The following GPR180 variants were observed in gnomAD, a reference collection of about 807,000 sequenced individuals.
GPR180 encodes G protein-coupled receptor 180, also known as integral membrane protein GPR180.
GPR180 carries 53 observed loss-of-function variants against 52.6 expected under a neutral mutation model. The ratio of observed to expected loss-of-function variants is 1.01; its 90% CI spans 0.81 to 1.27. GPR180 has a LOEUF of 1.27. Ranked by LOEUF, GPR180 falls within the 50% of genes most tolerant of loss-of-function variation. GPR180 has a pLI of 0.00. For missense variants in GPR180, 533 were observed against 527.0 expected (o/e 1.01, Z -0.11); for synonymous variants, 200 against 193.1 (o/e 1.04, Z -0.30).
At chr13:94,625,919 A>G (rs1594480338) in intron 7 of GPR180, 47 bp from the exon 8 acceptor site, 1 of 1,477,584 alleles carries the variant, frequency 6.8e-7, no homozygotes, top group Non-Finnish European at 9.4e-7. Context: ...TACATGCTGA[A>G]AAAAAGCTAC....
chr13:94,601,943 C>A lies in GPR180; in HGVS notation c.16C>A (p.Leu6Met). ...GGAGACGGGCATGGGGGGGCTGCGGCTGCTGGCTGTGGCCCTCACGTGCTG... is the reference window on the plus strand; with the variant it reads ...GGAGACGGGCATGGGGGGGCTGCGGATGCTGGCTGTGGCCCTCACGTGCTG... MGGLR[L>M]LAVALTCCWW... Residue 6 changes from leucine (L) to methionine (M), a missense_variant, in exon 1 of 9, where the codon CTG becomes ATG. Leu to Met is a conservative substitution (Grantham distance 15, BLOSUM62 2). Coordinates refer to ENST00000376958, the MANE Select transcript of GPR180 (RefSeq NM_180989.6). The A allele has an allele frequency of 1.3e-6, 2 of 1,496,718 alleles. No homozygotes were observed. The highest frequency in any genetic ancestry group is 1.8e-6 in the Non-Finnish European group (2 of 1,128,860). The allele number at this position is 1,496,718 out of a possible 1,614,324, so 92.7% of individuals were successfully genotyped here.
intron 7 of GPR180, among the ~76,000 whole-genome samples, chr13:94,625,519 C>T (rs1246413600): frequency 6.6e-6 from 1 of 152,100 alleles, no homozygotes; most frequent in African/African-American, 2.4e-5. Context: ...TTCTTACCTG[C>T]CCAGCTCCCC....
chr13:94,606,404 A>G (rs1192388298), intron 2 of GPR180, among the ~76,000 whole-genome samples: 1 of 152,212 alleles, frequency 6.6e-6, no homozygotes, highest in African/African-American at 2.4e-5. Context: ...TAAATCCGTG[A>G]TCCCATTCAT....
chr13:94,624,180 A>G (rs1363674882), intron 7 of GPR180, among the ~76,000 whole-genome samples: 1 of 152,188 alleles, frequency 6.6e-6, no homozygotes, highest in African/African-American at 2.4e-5. Context: ...GGGTTAGAGC[A>G]GTAACATTAT....
chr13:94,603,861 G>A (rs1295756648), intron 1 of GPR180, among the ~76,000 whole-genome samples: 1 of 152,096 alleles, frequency 6.6e-6, no homozygotes, highest in Non-Finnish European at 1.5e-5. Context: ...TTCTGTTCTG[G>A]GCCTTAAATG....
Position 94,623,183 on chromosome 13 carries a change from G to A in GPR180, c.969G>A (p.Gly323=). 6.2e-7 allele frequency: 1 copy of A among 1,613,338 alleles called. No homozygotes were observed. The highest frequency in any genetic ancestry group is 8.5e-7 in the Non-Finnish European group (1 of 1,179,360). ...HSYHSHHNLA[G]ILLIVLRICL... is the part of the protein sequence containing the mutation. ...ACCATTCACACCACAACTTAGCAGG[G>A]ATCCTCCTAATTGTTCTAAGAATTT... Residue 323 remains glycine (G), a synonymous_variant, in exon 7 of 9, where the codon GGG becomes GGA. Coordinates refer to ENST00000376958, the MANE Select transcript of GPR180 (RefSeq NM_180989.6).
At position 94,631,222 on chromosome 13, in the gene GPR180, C is replaced by T. The variant is rs900291290; in HGVS notation, c.*4051C>T. The T allele has an allele frequency of 7.9e-5, 12 of 152,146 alleles. No individual in the cohort carries two copies. The highest frequency in any genetic ancestry group is 1.8e-4 in the Non-Finnish European group (12 of 68,056). The allele number at this position is 152,146 out of a possible 1,614,324, so 9.4% of individuals were successfully genotyped here. ...TAGAGGCAGGGAGAGACCTGTATGG[C>T]TTCCAGTCCATCCTCACAAGTTCCA... is the stretch of plus-strand genomic sequence containing the variant. On this transcript the variant is annotated 3_prime_UTR_variant, in exon 9 of 9. Transcript: ENST00000376958.
At chr13:94,625,588 C>T (rs151167829) in intron 7 of GPR180, among the ~76,000 whole-genome samples, 4 of 152,246 alleles carry the variant, frequency 2.6e-5, no homozygotes, top group African/African-American at 9.6e-5. Flanking sequence ...TGTATTTTTA[C>T]AGGATTTCTT....
chr13:94,609,337 T>G (rs1889673122), intron 2 of GPR180, among the ~76,000 whole-genome samples: 1 of 152,206 alleles, frequency 6.6e-6, no homozygotes. Flanking sequence ...GCATGCTGTG[T>G]TGTAGTCTTT....
rs770306841 is a variant in GPR180, at chr13:94,621,074, T to C, written c.737-4T>C. The C allele has an allele frequency of 3.9e-5, 62 of 1,601,984 alleles. No homozygotes were observed. The highest frequency in any genetic ancestry group is 1.7e-4 in the Middle Eastern group (1 of 5,870). On this transcript the variant is annotated splice_region_variant and splice_polypyrimidine_tract_variant and intron_variant, in intron 5 of 8. Coordinates refer to ENST00000376958, the MANE Select transcript of GPR180 (RefSeq NM_180989.6). ...GGTTGACGTTGGTTTTCATGTCCCA[T>C]TAGTTTTTGACATCGCTTCCCAAAT...
rs909521549 is a variant in GPR180 at position 94,634,603 on chromosome 13, T to C, written c.*7432T>C. 6.6e-6 allele frequency: 1 copy of C among 152,176 alleles called. No homozygotes were observed. The highest frequency in any genetic ancestry group is 2.4e-5 in the African/African-American group (1 of 41,454). The allele number at this position is 152,176 out of a possible 1,614,324, so 9.4% of individuals were successfully genotyped here. On this transcript the variant is annotated 3_prime_UTR_variant, in exon 9 of 9. Coordinates refer to ENST00000376958, the MANE Select transcript of GPR180 (RefSeq NM_180989.6). ...TTTTGTTCCCAGTCACCTAACTGAA[T>C]TCTTCTAACAGTTGTAATAAATTTC...
chr13:94,632,914 C>G lies in GPR180; in HGVS notation c.*5743C>G, dbSNP rs1890017748. 6.6e-6 allele frequency: 1 copy of G among 152,106 alleles called. No homozygotes were observed. The highest frequency in any genetic ancestry group is 2.1e-4 in the South Asian group (1 of 4,806). 9.4% of individuals were successfully genotyped at this position (152,106 alleles called of 1,614,324 possible). On this transcript the variant is annotated 3_prime_UTR_variant, in exon 9 of 9. Transcript: ENST00000376958. ...ATGAAACCCCGAGAGAAACTCTGGT[C>G]AGTGATGCTCAAGTGAACTTCCCTG... is the stretch of plus-strand genomic sequence containing the variant.
In GPR180 at chr13:94,629,944, A is replaced by G. The variant is rs1889973242; in HGVS notation, c.*2773A>G. On this transcript the variant is annotated 3_prime_UTR_variant, in exon 9 of 9. Transcript: ENST00000376958. ...GCTCCTTCAGCATGTTTCTTCTAGG[A>G]GACTGCACGTTCTTTGGAATTTGGA... 6.6e-6 allele frequency: 1 copy of G among 152,198 alleles called. No individual in the cohort carries two copies. The highest frequency in any genetic ancestry group is 2.4e-5 in the African/African-American group (1 of 41,444). The allele number at this position is 152,198 out of a possible 1,614,324, so 9.4% of individuals were successfully genotyped here. A position where few individuals can be genotyped will look rare whatever the true frequency, so the allele number is the denominator to read the frequency against.
chr13:94,605,206 C>G (rs892962906), intron 1 of GPR180, among the ~76,000 whole-genome samples, 185 bp from the exon 2 acceptor site: 3 of 152,194 alleles, frequency 2.0e-5, no homozygotes, highest in African/African-American at 7.2e-5. Context: ...ACCACACGTT[C>G]ATTTGAATAA....
chr13:94,626,855 C>G (rs568434139), intron 8 of GPR180, among the ~76,000 whole-genome samples, 158 bp from the exon 9 acceptor site: 5 of 152,018 alleles, frequency 3.3e-5, no homozygotes, highest in African/African-American at 1.2e-4. Flanking sequence ...GAGTTCTGAG[C>G]ATTAGTCAGA....
rs578191051 is a variant in GPR180, at chr13:94,602,044, C to T, written c.117C>T (p.Gly39=). 18 of 1,441,994 alleles carry T rather than the reference C, an allele frequency of 1.2e-5. No individual in the cohort carries two copies. In the East Asian group the frequency reaches 4.5e-4, roughly 36 times the overall value. The allele number at this position is 1,441,994 out of a possible 1,614,324, so 89.3% of individuals were successfully genotyped here. A position where few individuals can be genotyped will look rare whatever the true frequency, so the allele number is the denominator to read the frequency against. Reference sequence around the variant, plus strand: ...GCACCGCGGCCCAGGACGCCCAGGGCCAGCGCATCGGCCACTTCGAGTTCC... The same window carrying T: ...GCACCGCGGCCCAGGACGCCCAGGGTCAGCGCATCGGCCACTTCGAGTTCC... ...FSSTAAQDAQ[G]QRIGHFEFHG... is the part of the protein sequence containing the mutation. Residue 39 remains glycine, a synonymous_variant, in exon 1 of 9, where the codon GGC becomes GGT. Coordinates refer to ENST00000376958, the MANE Select transcript of GPR180 (RefSeq NM_180989.6).
At position 94,601,909 on chromosome 13, in the gene GPR180, T is replaced by C. The variant is rs1241997689; in HGVS notation, c.-19T>C. The C allele has an allele frequency of 6.8e-7, 1 of 1,462,462 alleles. No homozygotes were observed. 90.6% of individuals were successfully genotyped at this position (1,462,462 alleles called of 1,614,324 possible). A position where few individuals can be genotyped will look rare whatever the true frequency, so the allele number is the denominator to read the frequency against. On this transcript the variant is annotated 5_prime_UTR_variant, in exon 1 of 9. Transcript: ENST00000376958. ...CGGCGGCTGGGAGCCGAGGCGTCGG[T>C]GCAGACCTGGAGACGGGCATGGGGG...
intron 3 of GPR180, among the ~76,000 whole-genome samples, 196 bp from the exon 4 acceptor site, chr13:94,618,954 T>C (rs894735945): frequency 1.3e-5 from 2 of 152,218 alleles, no homozygotes; most frequent in Non-Finnish European, 2.9e-5. Flanking sequence ...TAATCTGCTT[T>C]CTTGTAGTTA....
At position 94,605,545 on chromosome 13, in the gene GPR180, G is replaced by A; in HGVS notation, c.300G>A (p.Leu100=). 6.2e-7 allele frequency: 1 copy of A among 1,611,678 alleles called. No individual in the cohort carries two copies. Among genetic ancestry groups the A allele is most frequent in the Non-Finnish European group, 8.5e-7 (1 of 1,178,742 alleles). Residue 100 remains leucine, a synonymous_variant, in exon 2 of 9, where the codon TTG becomes TTA. Transcript: ENST00000376958. The part of the protein sequence containing the change: ...SCSEKLSKAQ[L]TMTMNQTEHN... ...GTGAAAAATTATCCAAAGCTCAGTT[G>A]ACAAGTGAGTATATCCTTTTTTCTT...
Sources: allele counts gnomAD v4.1 joint callset (sites outside exome capture counted in the v4.1 genomes callset), GRCh38; gene constraint gnomAD v4.1.1; transcripts MANE v1.5; gene names NCBI Gene and HGNC (gene_info 2026-07-23, HGNC 2026-07-21).